OCRL: variants seen among roughly 807,000 people sequenced by gnomAD.
The protein encoded by OCRL is inositol polyphosphate 5-phosphatase OCRL.
OCRL carries 8 observed loss-of-function variants against 78.9 expected under a neutral mutation model. The ratio of observed to expected loss-of-function variants is 0.10; its 90% CI spans 0.06 to 0.18. The LOEUF (loss-of-function observed/expected upper bound fraction) is 0.18, where lower values mean the gene tolerates loss of function less well. Ranked by LOEUF, OCRL falls within the 10% of genes least tolerant of loss-of-function variation. The pLI is 1.00. For missense variants in OCRL, 454 were observed against 696.7 expected (o/e 0.65, Z 3.92); for synonymous variants, 240 against 235.4 (o/e 1.02, Z -0.18).
At chrX:129,550,895 T>C (rs1935950459) in intron 4 of OCRL, among the ~76,000 whole-genome samples, 1 of 110,492 alleles carries the variant, frequency 9.1e-6, no homozygotes, top group East Asian at 2.8e-4. Context: ...CCTCAAGTGG[T>C]ATTTCACTGT....
Position 129,590,428 on chromosome X carries a change from A to G in OCRL, c.*158A>G, listed in dbSNP as rs954248614. 2 of 647,196 alleles carry G rather than the reference A, an allele frequency of 3.1e-6. No homozygotes were observed. Among genetic ancestry groups the G allele is most frequent in the Non-Finnish European group, 4.8e-6 (2 of 412,757 alleles). The allele number at this position is 647,196 out of a possible 1,213,427, so 53.3% of individuals were successfully genotyped here. On this transcript the variant is annotated 3_prime_UTR_variant, in exon 24 of 24. Transcript: ENST00000371113. ...AGCGTTTCCTAATCCCTCCTTTACC[A>G]TATCCTACACAGAAAAATACTTTTA...
chrX:129,590,525 C>A lies in OCRL; in HGVS notation c.*255C>A. ...TTTTCTCTTTATAAGGCAAAAAGAT[C>A]TGTATTTACACTCCTTCACCTAGGG... On this transcript the variant is annotated 3_prime_UTR_variant, in exon 24 of 24. Transcript: ENST00000371113. 2.8e-6 allele frequency: 1 copy of A among 359,205 alleles called. No individual in the cohort carries two copies. Among genetic ancestry groups the A allele is most frequent in the Non-Finnish European group, 4.9e-6 (1 of 203,065 alleles). The allele number at this position is 359,205 out of a possible 1,213,427, so 29.6% of individuals were successfully genotyped here. A position where few individuals can be genotyped will look rare whatever the true frequency, so the allele number is the denominator to read the frequency against.
In OCRL at chrX:129,589,847, G is replaced by A. The variant is rs1936564322; in HGVS notation, c.2472G>A (p.Val824=). The part of the protein sequence containing the change: ...SAYDPRICRQ[V]ISQLPRCHRN... ...CCTGCCCCTATTTTTAAAAACAGGTGATCTCCCAGCTTCCGAGATGCCATA... is the reference window on the plus strand; with the variant it reads ...CCTGCCCCTATTTTTAAAAACAGGTAATCTCCCAGCTTCCGAGATGCCATA... The change falls in exon 23 of 24, where the codon GTG becomes GTA. Residue 824 remains valine (V), a splice_region_variant and synonymous_variant. Coordinates refer to ENST00000371113, the MANE Select transcript of OCRL (RefSeq NM_000276.4). 1 of 1,198,313 alleles carries A rather than the reference G, an allele frequency of 8.3e-7. No individual in the cohort carries two copies.
At chrX:129,555,272 C>A (rs919415169) in intron 4 of OCRL, among the ~76,000 whole-genome samples, 5 of 109,519 alleles carry the variant, frequency 4.6e-5, no homozygotes, top group African/African-American at 1.7e-4. Context: ...GTCAGGAGTT[C>A]GAGACCAGCC....
In OCRL at chrX:129,590,418, C is replaced by T; in HGVS notation, c.*148C>T. 1 of 697,575 alleles carries T rather than the reference C, an allele frequency of 1.4e-6. No individual in the cohort carries two copies. The highest frequency in any genetic ancestry group is 2.2e-6 in the Non-Finnish European group (1 of 450,296). 57.5% of individuals were successfully genotyped at this position (697,575 alleles called of 1,213,427 possible). ...AAAAAGGAAGAGCGTTTCCTAATCC[C>T]TCCTTTACCATATCCTACACAGAAA... On this transcript the variant is annotated 3_prime_UTR_variant, in exon 24 of 24. Transcript: ENST00000371113.
At position 129,590,111 on chromosome X, in the gene OCRL, C is replaced by T. The variant is rs202027631; in HGVS notation, c.2582-35C>T. 1.2e-4 allele frequency: 141 copies of T among 1,209,668 alleles called. No homozygotes were observed. In the African/African-American group the frequency reaches 2.1e-3, roughly 18 times the overall value. On this transcript the variant is annotated intron_variant, in intron 23 of 23. Transcript: ENST00000371113. ...GAGGTTTTGCTTAGGTTATGTCTGA[C>T]AGAAGTTTCCGCTTGTCTTTCTCTC...
chrX:129,576,632 C>T, intron 18 of OCRL, 80 bp downstream of exon 18: 1 of 774,529 alleles, frequency 1.3e-6, no homozygotes, highest in South Asian at 2.2e-5. Context: ...TATCTTTGTG[C>T]TTTCTGTCTT....
At chrX:129,578,290 A>G (rs752091305) in intron 18 of OCRL, among the ~76,000 whole-genome samples, 185 of 111,126 alleles carry the variant, frequency 1.7e-3, no homozygotes, top group Non-Finnish European at 2.7e-3. Flanking sequence ...CCAAAATCCA[A>G]TCTGGGTTCA....
rs367705844 is a variant in OCRL, at chrX:129,583,877, T to A, written c.2116-467T>A. ...TTGGGTACGAGGAGATAGAAAGGAATCTGGGATGCTGCTTAGGAGACTGGC... is the reference window on the plus strand; with the variant it reads ...TTGGGTACGAGGAGATAGAAAGGAAACTGGGATGCTGCTTAGGAGACTGGC... On this transcript the variant is annotated intron_variant, in intron 18 of 23. Transcript: ENST00000371113. Among the ~76,000 whole-genome samples, 8 of 111,203 alleles carry A rather than the reference T, an allele frequency of 7.2e-5. 1 individual carries two copies. The South Asian group carries it at 3.1e-3, about 43-fold the overall frequency.
At chrX:129,589,625 G>T (rs1185304015) in intron 22 of OCRL, 1 of 429,117 alleles carries the variant, frequency 2.3e-6, no homozygotes, top group Non-Finnish European at 4.1e-6. Context: ...CACGTGGCCT[G>T]GTCATTGAGT....
chrX:129,587,024 T>A lies in OCRL; in HGVS notation c.2162T>A (p.Val721Asp), dbSNP rs1936520094. 8 of 1,205,174 alleles carry A rather than the reference T, an allele frequency of 6.6e-6. No individual in the cohort carries two copies. Among genetic ancestry groups the A allele is most frequent in the Non-Finnish European group, 9.0e-6 (8 of 889,409 alleles). The change falls in exon 20 of 24, where the codon GTT (valine) becomes GAT (aspartate). Residue 721 changes from valine (V) to aspartate (D), a missense_variant. Val to Asp is a radical substitution (Grantham distance 152, BLOSUM62 -3). This residue lies in a region of OCRL where 277 missense variants were observed against 517.1 expected (regional missense o/e 0.54). Coordinates refer to ENST00000371113, the MANE Select transcript of OCRL (RefSeq NM_000276.4). ...TAGGAGAAATCCCTTCTGCAAATGG[T>A]TCCTTTGGATGAAGGTGCCAGTGAG... ...LEKEKSLLQMVPLDEGASERP... is the reference protein window; with the variant it reads ...LEKEKSLLQMDPLDEGASERP...
rs2124418523 is a variant in OCRL at position 129,576,002 on chromosome X, G to T, written c.1819G>T (p.Asp607Tyr). Residue 607 changes from aspartate to tyrosine, a missense_variant, in exon 17 of 24, where the codon GAC (aspartate) becomes TAC (tyrosine). Around this residue, in one of 2 missense-constraint regions of OCRL, gnomAD observed 277 missense variants for 517.1 expected, o/e 0.54. Coordinates refer to ENST00000371113, the MANE Select transcript of OCRL (RefSeq NM_000276.4). ...CHFSFIPKLN[D>Y]SQYCKPWLRA... ...TTTTTCTTTCATCCCTAAACTTAAT[G>T]ACAGCCAGTACTGCAAGCCATGGCT... The T allele has an allele frequency of 8.3e-7, 1 of 1,211,548 alleles. No individual in the cohort carries two copies. Among genetic ancestry groups the T allele is most frequent in the Non-Finnish European group, 1.1e-6 (1 of 895,214 alleles).
In OCRL at chrX:129,590,957, A is replaced by G. The variant is rs1414560072; in HGVS notation, c.*687A>G. ...AGCATAACTGTAGGGACTATTAGAG[A>G]TGGCATCTCATCGATGAGAGAGAAT... is the stretch of plus-strand genomic sequence containing the variant. On this transcript the variant is annotated 3_prime_UTR_variant, in exon 24 of 24. Coordinates refer to ENST00000371113, the MANE Select transcript of OCRL (RefSeq NM_000276.4). The G allele has an allele frequency of 8.8e-6, 1 of 114,193 alleles. No homozygotes were observed. The highest frequency in any genetic ancestry group is 3.2e-5 in the African/African-American group (1 of 30,864). The allele number at this position is 114,193 out of a possible 1,213,427, so 9.4% of individuals were successfully genotyped here.
Position 129,563,510 on chromosome X carries a change from T to C in OCRL, c.1244+724T>C, listed in dbSNP as rs914163138. ...TAGCACTATTCTAGCCTTTTGTCTA[T>C]TCATATACAAACACACACATAGGTA... On this transcript the variant is annotated intron_variant, in intron 12 of 23. Coordinates refer to ENST00000371113, the MANE Select transcript of OCRL (RefSeq NM_000276.4). Among the ~76,000 whole-genome samples, 5 of 112,017 alleles carry C rather than the reference T, an allele frequency of 4.5e-5. No individual in the cohort carries two copies. The Admixed American group carries it at 4.8e-4, about 11-fold the overall frequency.
At chrX:129,547,524 C>CAAAA (rs1177506776) in intron 3 of OCRL, among the ~76,000 whole-genome samples, 3 of 34,979 alleles carry the variant, frequency 8.6e-5, no homozygotes, top group East Asian at 6.7e-4. Context: ...GACTCCGTCT[C>CAAAA]AAAAAAAAAA....
intron 14 of OCRL, among the ~76,000 whole-genome samples, chrX:129,567,721 C>T (rs1004132400): frequency 2.3e-4 from 25 of 110,913 alleles, no homozygotes; most frequent in Non-Finnish European, 3.6e-4. Flanking sequence ...CCCAAACTAC[C>T]CAGCTATTTA....
At chrX:129,548,200 A>G (rs1254100338) in intron 3 of OCRL, among the ~76,000 whole-genome samples, 3 of 112,148 alleles carry the variant, frequency 2.7e-5, no homozygotes, top group Non-Finnish European at 5.6e-5. Context: ...AGAAGTATCT[A>G]AAGGACCCAG....
intron 4 of OCRL, 25 bp downstream of exon 4, chrX:129,548,626 G>C: frequency 8.7e-7 from 1 of 1,148,413 alleles, no homozygotes; most frequent in Middle Eastern, 2.4e-4. Flanking sequence ...GAATGTGCTT[G>C]ATTTTTACTC....
chrX:129,590,711 CACTCCTT>C lies in OCRL; in HGVS notation c.*442_*448del. 5.7e-6 allele frequency: 1 copy of C among 176,124 alleles called. No individual in the cohort carries two copies. The highest frequency in any genetic ancestry group is 1.1e-5 in the Non-Finnish European group (1 of 93,784). 14.5% of individuals were successfully genotyped at this position (176,124 alleles called of 1,213,427 possible). A position where few individuals can be genotyped will look rare whatever the true frequency, so the allele number is the denominator to read the frequency against. On this transcript the variant is annotated 3_prime_UTR_variant, in exon 24 of 24. Coordinates refer to ENST00000371113, the MANE Select transcript of OCRL (RefSeq NM_000276.4). ...ACTTTTGACCCACCCCTTCCTGGAT[CACTCCTT>C]TGCACTCCACTCCCCTCGTTCTGTC...
Sources: gnomAD v4.1 joint callset for allele counts (sites outside exome capture counted in the v4.1 genomes callset) on GRCh38, gnomAD v4.1.1 for gene constraint, gnomAD v4.1.1 regional missense constraint, MANE v1.5 for transcripts, NCBI Gene and HGNC (gene_info 2026-07-23, HGNC 2026-07-21) for gene names.